SMIM7: variants seen among roughly 807,000 people sequenced by gnomAD.
SMIM7 encodes the protein small integral membrane protein 7.
A neutral mutation model predicts 13.3 loss-of-function variants in SMIM7; 12 were observed. That is an observed-to-expected ratio of 0.90 (90% CI 0.58 to 1.46). The LOEUF (loss-of-function observed/expected upper bound fraction) is 1.46. SMIM7 is among the 40% of genes most tolerant of loss of function. The pLI is 0.00. For missense variants in SMIM7, 114 were observed against 94.8 expected (o/e 1.20, Z -0.84); for synonymous variants, 36 against 35.8 (o/e 1.01, Z -0.02).
At chr19:16,642,479 G>A (rs2086410763), downstream of SMIM7, among the ~76,000 whole-genome samples, 2 of 152,116 alleles carry the variant, frequency 1.3e-5, no homozygotes, top group African/African-American at 4.8e-5. Context: ...GAACCTGGGA[G>A]GTGGAGGTTG....
At chr19:16,633,577 C>A (rs1003514295) in intron 4 of SMIM7, among the ~76,000 whole-genome samples, 1 of 150,986 alleles carries the variant, frequency 6.6e-6, no homozygotes, top group South Asian at 2.1e-4. Context: ...ACTAAGAAAA[C>A]CTGTATTGAG....
chr19:16,636,859 G>A (rs2086364593), intron 4 of SMIM7, among the ~76,000 whole-genome samples: 1 of 152,144 alleles, frequency 6.6e-6, no homozygotes. Flanking sequence ...AGGCTGATGT[G>A]GGAGGACAGC....
chr19:16,646,204 T>C lies in SMIM7; in HGVS notation c.*1042A>G, dbSNP rs969554307. On this transcript the variant is annotated 3_prime_UTR_variant, in exon 5 of 5. Coordinates refer to ENST00000487416, the MANE Select transcript of SMIM7 (RefSeq NM_024104.4). ...CTACTCAGTCCTAAAAGCCTGCATATTTACTTTTTTTCCTTCCTCCAGGTT... is the reference window on the plus strand; with the variant it reads ...CTACTCAGTCCTAAAAGCCTGCATACTTACTTTTTTTCCTTCCTCCAGGTT... 2.6e-5 allele frequency: 4 copies of C among 152,066 alleles called. No individual in the cohort carries two copies. The highest frequency in any genetic ancestry group is 5.9e-5 in the Non-Finnish European group (4 of 68,028). The allele number at this position is 152,066 out of a possible 1,614,324, so 9.4% of individuals were successfully genotyped here.
In SMIM7 at chr19:16,646,788, G is replaced by T; in HGVS notation, c.*458C>A. 1 of 203,074 alleles carries T rather than the reference G, an allele frequency of 4.9e-6. No homozygotes were observed. 12.6% of individuals were successfully genotyped at this position (203,074 alleles called of 1,614,324 possible). ...AGGGTTAATCGCAGCTGCACTGAGT[G>T]GCCAAGCAGACCCTGTTGGGATGTG... On this transcript the variant is annotated 3_prime_UTR_variant, in exon 5 of 5. Transcript: ENST00000487416.
At chr19:16,657,180 A>AGGCAAAGAGGATGGAG (rs1291651666) in intron 3 of SMIM7, among the ~76,000 whole-genome samples, 1 of 152,210 alleles carries the variant, frequency 6.6e-6, no homozygotes, top group East Asian at 1.9e-4. Flanking sequence ...CAGTTAAGCC[A>AGGCAAAGAGGATGGAG]GGCAAAGAGG....
chr19:16,654,084 G>T lies in SMIM7; in HGVS notation c.163C>A (p.Arg55=). ...ATGTTCCACAGGGCGATGAAGATTC[G>T]AAAGTATCTGAGGCTCAGCAAGAAT... The part of the protein sequence containing the change: ...REFLLSLRYF[R]IFIALWNIFM... The change falls in exon 4 of 5, where the codon CGA becomes AGA. Residue 55 remains arginine (R), a synonymous_variant. Transcript: ENST00000487416. 6.2e-7 allele frequency: 1 copy of T among 1,614,074 alleles called. No individual in the cohort carries two copies. The highest frequency in any genetic ancestry group is 8.5e-7 in the Non-Finnish European group (1 of 1,180,012).
rs899967394 is a variant in SMIM7, at chr19:16,654,046, G to A, written c.201C>T (p.Phe67=). ...CAGGCTGGACTCACACAATCATGCA[G>A]AACATCATGAAGATGTTCCACAGGG... The part of the protein sequence containing the change: ...FIALWNIFMM[F]CMIVLFGS Residue 67 remains phenylalanine, a synonymous_variant, in exon 4 of 5, where the codon TTC becomes TTT. Coordinates refer to ENST00000487416, the MANE Select transcript of SMIM7 (RefSeq NM_024104.4). The A allele has an allele frequency of 2.2e-5, 35 of 1,613,828 alleles. No individual in the cohort carries two copies. Among genetic ancestry groups the A allele is most frequent in the African/African-American group, 2.7e-5 (2 of 74,932 alleles).
chr19:16,652,638 T>C, intron 4 of SMIM7: 1 of 1,349,482 alleles, frequency 7.4e-7, no homozygotes, highest in Non-Finnish European at 9.5e-7. Context: ...TACATCACGG[T>C]CCTTGTGATG....
At chr19:16,642,530 A>C (rs1462598918), downstream of SMIM7, among the ~76,000 whole-genome samples, 3 of 151,964 alleles carry the variant, frequency 2.0e-5, no homozygotes, top group Non-Finnish European at 4.4e-5. Flanking sequence ...AGCCTGGGCG[A>C]GAGTGAGACT....
At chr19:16,639,733 T>C (rs1176134602) in intron 4 of SMIM7, among the ~76,000 whole-genome samples, 1 of 152,114 alleles carries the variant, frequency 6.6e-6, no homozygotes, top group African/African-American at 2.4e-5. Context: ...ATTCTAGTGA[T>C]AGTAAGTTCT....
intron 4 of SMIM7, among the ~76,000 whole-genome samples, chr19:16,635,619 C>T (rs1175398715): frequency 1.3e-5 from 2 of 151,890 alleles, no homozygotes; most frequent in East Asian, 1.9e-4. Context: ...CAGTGGCTCA[C>T]GCCAGTAATC....
chr19:16,631,181 TAA>T (rs1411821369), exon 5 of SMIM7: 1 of 151,930 alleles, frequency 6.6e-6, no homozygotes, highest in Non-Finnish European at 1.5e-5. Flanking sequence ...GGTAAGGAGT[TAA>T]GAGACCAGCC....
chr19:16,647,397 C>T, intron 4 of SMIM7, 136 bp from the exon 5 acceptor site: 7 of 964,604 alleles, frequency 7.3e-6, no homozygotes, highest in Non-Finnish European at 8.1e-6. Flanking sequence ...TTTAAAGTAA[C>T]CTGTGATCCA....
intron 4 of SMIM7, among the ~76,000 whole-genome samples, chr19:16,637,353 A>C (rs2086367479): frequency 6.6e-6 from 1 of 152,078 alleles, no homozygotes; most frequent in African/African-American, 2.4e-5. Flanking sequence ...TCGTCTCTAC[A>C]AAAAAATACA....
At chr19:16,657,537 T>C (rs936443264) in intron 3 of SMIM7, among the ~76,000 whole-genome samples, 2 of 152,210 alleles carry the variant, frequency 1.3e-5, no homozygotes, top group African/African-American at 4.8e-5. Context: ...CAGGTTCTAA[T>C]CCTGATTCTC....
exon 5 of SMIM7, chr19:16,630,813 CA>C (rs770641715): frequency 6.6e-6 from 1 of 152,202 alleles, no homozygotes; most frequent in Non-Finnish European, 1.5e-5. Context: ...AAGATTAAAT[CA>C]GACAGCCTCT....
chr19:16,658,346 G>A (rs1843805811), intron 3 of SMIM7, among the ~76,000 whole-genome samples: 1 of 152,214 alleles, frequency 6.6e-6, no homozygotes. Flanking sequence ...CAAATATCTG[G>A]TGAATGAAAG....
At chr19:16,659,514 G>A (rs2086644070) in intron 2 of SMIM7, 67 bp from the exon 3 acceptor site, 1 of 1,498,618 alleles carries the variant, frequency 6.7e-7, no homozygotes, top group Middle Eastern at 2.1e-4. Flanking sequence ...CTGACCCCCA[G>A]CTCAGAAGGC....
intron 3 of SMIM7, among the ~76,000 whole-genome samples, chr19:16,656,975 T>C (rs1437492296): frequency 6.6e-6 from 1 of 151,944 alleles, no homozygotes; most frequent in Non-Finnish European, 1.5e-5. Flanking sequence ...ACCTCAAACA[T>C]GGGCAGTTTA....
Sources: allele counts gnomAD v4.1 joint callset (sites outside exome capture counted in the v4.1 genomes callset), GRCh38; gene constraint gnomAD v4.1.1; transcripts MANE v1.5; gene names NCBI Gene and HGNC (gene_info 2026-07-23, HGNC 2026-07-21).